The following TNIK variants were observed in gnomAD, a reference collection of about 807,000 sequenced individuals.
TNIK encodes the protein TRAF2 and NCK-interacting protein kinase.
TNIK carries 49 observed loss-of-function variants against 191.3 expected under a neutral mutation model. That is an observed-to-expected ratio of 0.26 (90% CI 0.20 to 0.32). The LOEUF (loss-of-function observed/expected upper bound fraction) is 0.32. Among genes scored for constraint, TNIK ranks in the 10% least tolerant of loss-of-function variants. The pLI is 1.00. For missense variants in TNIK, 1,155 were observed against 1,702.3 expected (o/e 0.68, Z 5.66); for synonymous variants, 594 against 600.9 (o/e 0.99, Z 0.17).
intron 2 of TNIK, among the ~76,000 whole-genome samples, chr3:171,359,686 T>C (rs1028572148): frequency 3.3e-5 from 5 of 152,198 alleles, no homozygotes; most frequent in African/African-American, 9.7e-5. Context: ...TTTTTGCATA[T>C]GCAAAATATC....
rs1733382315 is a variant in TNIK at position 171,157,614 on chromosome 3, C to T, written c.1067G>A (p.Arg356Lys). 2 of 1,556,842 alleles carry T rather than the reference C, an allele frequency of 1.3e-6. No homozygotes were observed. Among genetic ancestry groups the T allele is most frequent in the Non-Finnish European group, 1.7e-6 (2 of 1,150,340 alleles). Residue 356 changes from arginine (R) to lysine (K), a missense_variant, in exon 12 of 33, where the codon AGG becomes AAG. Transcript: ENST00000436636. ...ACGCTCCTTGTTGGCCAGCTGCAGC[C>T]TCAGAAAGTCCCTCCGCAGCGTCGA... Reference protein sequence around the residue: ...GESTLRRDFLRLQLANKERSE... With the variant: ...GESTLRRDFLKLQLANKERSE...
chr3:171,299,366 T>A (rs550707589), intron 2 of TNIK, among the ~76,000 whole-genome samples: 1 of 152,294 alleles, frequency 6.6e-6, no homozygotes, highest in South Asian at 2.1e-4. Flanking sequence ...GGCATACTGA[T>A]CTTGATTTTG....
intron 15 of TNIK, among the ~76,000 whole-genome samples, chr3:171,134,924 G>A (rs1335082117): frequency 6.6e-6 from 1 of 152,166 alleles, no homozygotes; most frequent in East Asian, 1.9e-4. Flanking sequence ...AAAAAAACTT[G>A]ATGAGACGGC....
chr3:171,278,278 A>G (rs893007987), intron 2 of TNIK, among the ~76,000 whole-genome samples: 3 of 152,172 alleles, frequency 2.0e-5, no homozygotes, highest in Non-Finnish European at 2.9e-5. Flanking sequence ...TGACAGTAAG[A>G]ACCCAGCCCT....
intron 1 of TNIK, among the ~76,000 whole-genome samples, chr3:171,385,531 A>T (rs1003734958): frequency 2.0e-5 from 3 of 152,174 alleles, no homozygotes; most frequent in African/African-American, 7.2e-5. Flanking sequence ...GCAGAACATA[A>T]CATAAATGCA....
intron 1 of TNIK, among the ~76,000 whole-genome samples, chr3:171,417,735 C>A (rs1723272367): frequency 1.3e-5 from 2 of 152,088 alleles, no homozygotes; most frequent in Non-Finnish European, 2.9e-5. Flanking sequence ...CTTACTAGCA[C>A]CCTTTTGTGA....
chr3:171,066,315 A>T lies in TNIK; in HGVS notation c.3871T>A (p.Ser1291Thr). The T allele has an allele frequency of 6.2e-7, 1 of 1,613,944 alleles. No homozygotes were observed. The highest frequency in any genetic ancestry group is 2.2e-5 in the East Asian group (1 of 44,880). Reference protein sequence around the residue: ...EMPTSVAYIHSNQIMGWGEKA... With the variant: ...EMPTSVAYIHTNQIMGWGEKA... ...TCGCCCCAGCCCATTATCTGATTGG[A>T]ATGAATGTAGGCTGTCAAAAGGAAT... The change falls in exon 32 of 33, where the codon TCC (serine) becomes ACC (threonine). Residue 1291 changes from serine to threonine, a missense_variant. By Grantham distance (58) the Ser-to-Thr change is moderately conservative (BLOSUM62 1). Coordinates refer to ENST00000436636, the MANE Select transcript of TNIK (RefSeq NM_015028.4).
At chr3:171,392,705 G>T (rs1219343677) in intron 1 of TNIK, among the ~76,000 whole-genome samples, 1 of 150,374 alleles carries the variant, frequency 6.7e-6, no homozygotes, top group Non-Finnish European at 1.5e-5. Flanking sequence ...CTTGAACCCA[G>T]AAGGTGGAGG....
chr3:171,116,029 C>A (rs1726635317), intron 18 of TNIK, among the ~76,000 whole-genome samples: 1 of 152,234 alleles, frequency 6.6e-6, no homozygotes, highest in Admixed American at 6.5e-5. Context: ...AGTGTGGGTG[C>A]TGATCTTAAT....
chr3:171,196,136 A>C (rs1476845454), intron 4 of TNIK, among the ~76,000 whole-genome samples: 4 of 152,204 alleles, frequency 2.6e-5, no homozygotes, highest in African/African-American at 9.6e-5. Flanking sequence ...TGAAGAGTCT[A>C]TACTGCCTTT....
chr3:171,240,573 C>G (rs1466463992), intron 2 of TNIK, among the ~76,000 whole-genome samples: 2 of 152,156 alleles, frequency 1.3e-5, no homozygotes, highest in Non-Finnish European at 2.9e-5. Context: ...GTCCCCGACT[C>G]GCCCACATTG....
chr3:171,217,795 T>C (rs1741634122), intron 3 of TNIK, among the ~76,000 whole-genome samples: 1 of 152,040 alleles, frequency 6.6e-6, no homozygotes, highest in Non-Finnish European at 1.5e-5. Context: ...AAACCTAAGT[T>C]TAAGCTGAGT....
In TNIK at chr3:171,211,098, T is replaced by C. The variant is rs1740759803; in HGVS notation, c.306+18A>G. ...TGTTTTTTATGTAAATAAAGCAAAT[T>C]TGGACGGCAGTACATACCCAAAGTT... On this transcript the variant is annotated intron_variant, in intron 4 of 32. Transcript: ENST00000436636. 6.2e-7 allele frequency: 1 copy of C among 1,603,584 alleles called. No individual in the cohort carries two copies. The highest frequency in any genetic ancestry group is 8.5e-7 in the Non-Finnish European group (1 of 1,177,366).
intron 15 of TNIK, among the ~76,000 whole-genome samples, chr3:171,132,638 T>G (rs1276131583): frequency 6.6e-6 from 1 of 152,208 alleles, no homozygotes. Context: ...TGTCAAATTG[T>G]TTTTTATATT....
intron 26 of TNIK, among the ~76,000 whole-genome samples, chr3:171,083,501 C>G (rs1283408585): frequency 6.6e-6 from 1 of 152,166 alleles, no homozygotes; most frequent in East Asian, 1.9e-4. Context: ...GTAACACAGA[C>G]CAAGACTTTG....
In TNIK at chr3:171,371,065, A is replaced by G. The variant is rs183699155; in HGVS notation, c.58-1380T>C. 3.9e-5 allele frequency among the ~76,000 whole-genome samples: 6 copies of G among 152,206 alleles called. No homozygotes were observed. In the East Asian group the frequency reaches 9.7e-4, roughly 24 times the overall value. On this transcript the variant is annotated intron_variant, in intron 1 of 32. Transcript: ENST00000436636. Reference sequence around the variant, plus strand: ...CTAGGAGACCCCGAGAAAGCAACATATTGTCTGGGTCTGCAGGGATGACAT... The same window carrying G: ...CTAGGAGACCCCGAGAAAGCAACATGTTGTCTGGGTCTGCAGGGATGACAT...
chr3:171,436,007 A>G (rs1288111746), intron 1 of TNIK, among the ~76,000 whole-genome samples: 1 of 151,910 alleles, frequency 6.6e-6, no homozygotes, highest in Admixed American at 6.6e-5. Context: ...CTAAGACACA[A>G]CACATGCAGA....
chr3:171,300,930 C>T (rs1752811262), intron 2 of TNIK, among the ~76,000 whole-genome samples: 1 of 152,052 alleles, frequency 6.6e-6, no homozygotes, highest in African/African-American at 2.4e-5. Context: ...TCTTCAGCAA[C>T]CATCAAAATA....
At chr3:171,453,209 C>T (rs1728394589) in intron 1 of TNIK, among the ~76,000 whole-genome samples, 1 of 152,126 alleles carries the variant, frequency 6.6e-6, no homozygotes, top group Non-Finnish European at 1.5e-5. Context: ...GAAAATCAAA[C>T]GTTGCCTCTA....
Sources: allele counts gnomAD v4.1 joint callset (sites outside exome capture counted in the v4.1 genomes callset), GRCh38; gene constraint gnomAD v4.1.1; transcripts MANE v1.5; gene names NCBI Gene and HGNC (gene_info 2026-07-23, HGNC 2026-07-21).